The following SRGAP1 variants were observed in gnomAD, a reference collection of about 807,000 sequenced individuals.
SRGAP1 encodes SLIT-ROBO Rho GTPase activating protein 1, also known as SLIT-ROBO Rho GTPase-activating protein 1.
Under a neutral mutation model 121.9 loss-of-function variants are expected in SRGAP1, and 43 were observed. That is an observed-to-expected ratio of 0.35 (90% CI 0.28 to 0.46). The LOEUF is 0.46. SRGAP1 is among the 20% of genes least tolerant of loss of function. SRGAP1 has a pLI of 1.00. For missense variants in SRGAP1, 1,102 were observed against 1,350.9 expected, an observed-to-expected ratio of 0.82 and a Z score of 2.89; for synonymous variants, 447 against 485.4, an observed-to-expected ratio of 0.92 and a Z score of 1.04.
intron 21 of SRGAP1, among the ~76,000 whole-genome samples, chr12:64,140,117 C>T (rs1175170666): frequency 1.4e-5 from 2 of 145,756 alleles, no homozygotes; most frequent in Admixed American, 6.8e-5. Flanking sequence ...GTTTTGGTAC[C>T]AGTACCATGC....
At chr12:63,927,399 C>T (rs943192753) in intron 1 of SRGAP1, among the ~76,000 whole-genome samples, 15 of 152,152 alleles carry the variant, frequency 9.9e-5, no homozygotes, top group African/African-American at 3.4e-4. Flanking sequence ...CTGATTGCTA[C>T]GCTTATCCTG....
chr12:64,008,583 A>G (rs921996641), intron 3 of SRGAP1, among the ~76,000 whole-genome samples: 2 of 152,158 alleles, frequency 1.3e-5, no homozygotes, highest in African/African-American at 4.8e-5. Flanking sequence ...TGCTTGGCTT[A>G]AAGTGTTTTT....
intron 4 of SRGAP1, among the ~76,000 whole-genome samples, chr12:64,034,611 G>C (rs2034857644): frequency 6.6e-6 from 1 of 152,088 alleles, no homozygotes; most frequent in Non-Finnish European, 1.5e-5. Flanking sequence ...GACATTTACT[G>C]TGCACTTATA....
chr12:63,935,504 C>G (rs1484980153), intron 1 of SRGAP1, among the ~76,000 whole-genome samples: 1 of 152,132 alleles, frequency 6.6e-6, no homozygotes, highest in Admixed American at 6.6e-5. Flanking sequence ...TATATTTAAT[C>G]TACATAGTTT....
At chr12:64,024,580 T>C (rs1301986462) in intron 4 of SRGAP1, among the ~76,000 whole-genome samples, 1 of 152,246 alleles carries the variant, frequency 6.6e-6, no homozygotes, top group African/African-American at 2.4e-5. Flanking sequence ...TAAGGATCCA[T>C]GTCTTGCTCC....
intron 1 of SRGAP1, among the ~76,000 whole-genome samples, chr12:63,845,171 A>T (rs188336913): frequency 6.6e-6 from 1 of 152,302 alleles, no homozygotes. Flanking sequence ...TCAGCTGGGC[A>T]ACTTATGTGG....
chr12:64,019,024 C>T (rs140710098), intron 4 of SRGAP1, among the ~76,000 whole-genome samples: 4 of 152,252 alleles, frequency 2.6e-5, no homozygotes, highest in Admixed American at 6.5e-5. Flanking sequence ...AAATAGAAAT[C>T]AGTCCCTAAT....
At chr12:64,106,226 G>A (rs1045471780) in intron 15 of SRGAP1, among the ~76,000 whole-genome samples, 1 of 152,150 alleles carries the variant, frequency 6.6e-6, no homozygotes, top group African/African-American at 2.4e-5. Context: ...TAAACAGCGG[G>A]AGAAGTTTTA....
At chr12:63,969,665 G>A (rs964336827) in intron 1 of SRGAP1, among the ~76,000 whole-genome samples, 8 of 151,996 alleles carry the variant, frequency 5.3e-5, no homozygotes, top group African/African-American at 1.7e-4. Context: ...GTGGTGGTGG[G>A]CACCTGTAGT....
At chr12:63,946,650 T>A (rs2032058836) in intron 1 of SRGAP1, among the ~76,000 whole-genome samples, 1 of 152,110 alleles carries the variant, frequency 6.6e-6, no homozygotes, top group Non-Finnish European at 1.5e-5. Context: ...TTCAAGCAAT[T>A]CTTCTGCCTC....
intron 1 of SRGAP1, among the ~76,000 whole-genome samples, chr12:63,885,533 A>G (rs1485850671): frequency 1.3e-5 from 2 of 152,240 alleles, no homozygotes; most frequent in Non-Finnish European, 1.5e-5. Context: ...CAAAAAGGGT[A>G]TGATCTCAGA....
In SRGAP1 at chr12:64,147,765, A is replaced by G. The variant is rs1460101805; in HGVS notation, c.*5093A>G. The G allele has an allele frequency of 2.5e-6, 1 of 397,960 alleles. No individual in the cohort carries two copies. The highest frequency in any genetic ancestry group is 4.4e-6 in the Non-Finnish European group (1 of 226,020). 24.7% of individuals were successfully genotyped at this position (397,960 alleles called of 1,614,324 possible). ...CTGTACATTTTTGGCATGTACCATT[A>G]CAGGCTTCAGTATACAGTCAGGTTT... On this transcript the variant is annotated 3_prime_UTR_variant, in exon 22 of 22. Transcript: ENST00000355086.
chr12:64,147,404 G>T lies in SRGAP1; in HGVS notation c.*4732G>T. 1 of 262,472 alleles carries T rather than the reference G, an allele frequency of 3.8e-6. No individual in the cohort carries two copies. The highest frequency in any genetic ancestry group is 6.6e-6 in the Non-Finnish European group (1 of 151,972). 16.3% of individuals were successfully genotyped at this position (262,472 alleles called of 1,614,324 possible). On this transcript the variant is annotated 3_prime_UTR_variant, in exon 22 of 22. Transcript: ENST00000355086. ...TTCCTGCTGCCCACTCGAGTGTTTCGAAGCTTCCTCCCTGTCCCCCACCTT... is the reference window on the plus strand; with the variant it reads ...TTCCTGCTGCCCACTCGAGTGTTTCTAAGCTTCCTCCCTGTCCCCCACCTT...
At chr12:63,886,908 C>G (rs1900405164) in intron 1 of SRGAP1, among the ~76,000 whole-genome samples, 1 of 152,176 alleles carries the variant, frequency 6.6e-6, no homozygotes, top group South Asian at 2.1e-4. Context: ...GAGTCTCGCT[C>G]TGTCTCCCAG....
intron 1 of SRGAP1, among the ~76,000 whole-genome samples, chr12:63,881,023 A>G (rs1483060733): frequency 6.6e-6 from 1 of 152,236 alleles, no homozygotes; most frequent in Non-Finnish European, 1.5e-5. Flanking sequence ...GTAAAGCAAC[A>G]CACTGCTGTC....
chr12:63,978,745 G>C (rs2033163105), intron 1 of SRGAP1, among the ~76,000 whole-genome samples: 1 of 152,186 alleles, frequency 6.6e-6, no homozygotes, highest in South Asian at 2.1e-4. Context: ...TGAGTCATAT[G>C]GTAACTCTAA....
At chr12:64,053,631 T>C (rs1054407679) in intron 6 of SRGAP1, among the ~76,000 whole-genome samples, 11 of 152,186 alleles carry the variant, frequency 7.2e-5, no homozygotes, top group Admixed American at 5.2e-4. Context: ...AATAAATATA[T>C]TGCAAATATT....
chr12:64,030,011 G>A (rs1280164461), intron 4 of SRGAP1, among the ~76,000 whole-genome samples: 2 of 152,062 alleles, frequency 1.3e-5, no homozygotes, highest in African/African-American at 2.4e-5. Context: ...ACTACAATGA[G>A]TACTTGAGAG....
chr12:64,036,527 G>A (rs2034907795), intron 4 of SRGAP1, among the ~76,000 whole-genome samples: 1 of 152,190 alleles, frequency 6.6e-6, no homozygotes, highest in Non-Finnish European at 1.5e-5. Context: ...ATTTAGTGAA[G>A]CAGCAGGCTA....
Sources: gnomAD v4.1 joint callset for allele counts (sites outside exome capture counted in the v4.1 genomes callset) on GRCh38, gnomAD v4.1.1 for gene constraint, MANE v1.5 for transcripts, NCBI Gene and HGNC (gene_info 2026-07-23, HGNC 2026-07-21) for gene names.